Variants in NPR3 observed in about 807,000 individuals in gnomAD.
The protein encoded by NPR3 is atrial natriuretic peptide receptor 3.
Under a neutral mutation model 54.5 loss-of-function variants are expected in NPR3, and 34 were observed. The observed-to-expected ratio is 0.62, with a 90% CI of 0.47 to 0.83. NPR3 has a LOEUF of 0.83. Ranked by LOEUF, NPR3 falls within the 40% of genes least tolerant of loss-of-function variation. NPR3 has a pLI of 0.00. For synonymous variants in NPR3, 289 were observed against 297.1 expected (o/e 0.97, Z 0.28); for missense variants, 674 against 720.8 (o/e 0.94, Z 0.74).
chr5:32,732,457 C>T (rs1739513346), intron 2 of NPR3, among the ~76,000 whole-genome samples: 1 of 152,060 alleles, frequency 6.6e-6, no homozygotes, highest in Admixed American at 6.6e-5. Flanking sequence ...CTGACTAGCT[C>T]TAGTGACAGG....
intron 3 of NPR3, among the ~76,000 whole-genome samples, chr5:32,771,721 G>A (rs749079174): frequency 6.6e-6 from 1 of 152,152 alleles, no homozygotes; most frequent in Non-Finnish European, 1.5e-5. Flanking sequence ...CCTGTCTTAG[G>A]AACCCCAGGA....
At chr5:32,735,870 G>T (rs981655144) in intron 2 of NPR3, among the ~76,000 whole-genome samples, 1 of 152,134 alleles carries the variant, frequency 6.6e-6, no homozygotes, top group Non-Finnish European at 1.5e-5. Context: ...TTATGGTTGG[G>T]AATAGATACC....
intron 1 of NPR3, among the ~76,000 whole-genome samples, chr5:32,722,884 C>G (rs946054518): frequency 1.2e-4 from 19 of 152,284 alleles, no homozygotes; most frequent in African/African-American, 4.6e-4. Flanking sequence ...TACTTTCAGG[C>G]AGAAGCAACA....
chr5:32,745,389 G>A (rs912282396), intron 3 of NPR3, among the ~76,000 whole-genome samples: 4 of 152,182 alleles, frequency 2.6e-5, no homozygotes, highest in African/African-American at 7.2e-5. Flanking sequence ...TTGCCCATAT[G>A]TACAGTGGCC....
At chr5:32,710,488 T>C, upstream of NPR3, 1 of 630,734 alleles carries the variant, frequency 1.6e-6, no homozygotes, top group African/African-American at 1.9e-5. Context: ...GCAACAAGTT[T>C]CACTTTCCTG....
At position 32,711,723 on chromosome 5, in the gene NPR3, G is replaced by C. The variant is rs1033936063; in HGVS notation, c.-54G>C. ...TGGGGAGGAAAGAGGAAGGGTGGGT[G>C]GGGGGCAGAGGGCGAGTCGGCGGCG... On this transcript the variant is annotated 5_prime_UTR_variant, in exon 1 of 8. Coordinates refer to ENST00000265074, the MANE Select transcript of NPR3 (RefSeq NM_001204375.2). The C allele has an allele frequency of 2.8e-6, 4 of 1,407,090 alleles. No homozygotes were observed. Among genetic ancestry groups the C allele is most frequent in the African/African-American group, 3.0e-5 (2 of 66,440 alleles). The allele number at this position is 1,407,090 out of a possible 1,614,324, so 87.2% of individuals were successfully genotyped here.
chr5:32,701,532 G>A (rs1186334120), intron 1 of NPR3, among the ~76,000 whole-genome samples: 1 of 152,088 alleles, frequency 6.6e-6, no homozygotes, highest in Admixed American at 6.5e-5. Context: ...AGTTCATTTG[G>A]TGAGGTCATG....
intron 2 of NPR3, among the ~76,000 whole-genome samples, chr5:32,730,930 T>C (rs1456951520): frequency 1.3e-5 from 2 of 152,184 alleles, no homozygotes; most frequent in East Asian, 3.8e-4. Context: ...TTACAAAAAT[T>C]TCAACAAGAT....
chr5:32,710,862 T>TTTTTTTTTG (rs1738178570), upstream of NPR3: 6 of 1,156,728 alleles, frequency 5.2e-6, no homozygotes, highest in African/African-American at 1.3e-4. Context: ...AGTCCTGGTT[T>TTTTTTTTTG]TTTTTTTTTT....
intron 1 of NPR3, among the ~76,000 whole-genome samples, chr5:32,718,416 T>C (rs1738668650): frequency 6.6e-6 from 1 of 152,258 alleles, no homozygotes; most frequent in Non-Finnish European, 1.5e-5. Flanking sequence ...ATTGAATCTA[T>C]AAATTACTTT....
At chr5:32,699,329 T>G in intron 1 of NPR3, among the ~76,000 whole-genome samples, 1 of 152,232 alleles carries the variant, frequency 6.6e-6, no homozygotes, top group East Asian at 1.9e-4. Flanking sequence ...GGGATACAAG[T>G]GCAGAACATG....
rs1738289356 is a variant in NPR3 at position 32,712,267 on chromosome 5, T to A, written c.491T>A (p.Phe164Tyr). 1 of 1,612,714 alleles carries A rather than the reference T, an allele frequency of 6.2e-7. No homozygotes were observed. Among genetic ancestry groups the A allele is most frequent in the Admixed American group, 1.7e-5 (1 of 60,008 alleles). Reference sequence around the variant, plus strand: ...TCGGCTGGGGCGCTGGCCGCTGGCTTCCAGCACAAGGACTCTGAGTACTCG... The same window carrying A: ...TCGGCTGGGGCGCTGGCCGCTGGCTACCAGCACAAGGACTCTGAGTACTCG... The part of the protein sequence containing the change: ...MLSAGALAAG[F>Y]QHKDSEYSHL... The change falls in exon 1 of 8, where the codon TTC (phenylalanine) becomes TAC (tyrosine). Residue 164 changes from phenylalanine (F) to tyrosine (Y), a missense_variant. By Grantham distance (22) the Phe-to-Tyr change is conservative. Coordinates refer to ENST00000265074, the MANE Select transcript of NPR3 (RefSeq NM_001204375.2).
chr5:32,760,949 A>G (rs1741131899), intron 3 of NPR3, among the ~76,000 whole-genome samples: 2 of 152,226 alleles, frequency 1.3e-5, no homozygotes, highest in South Asian at 4.1e-4. Flanking sequence ...TGTCTTGCTC[A>G]GGTGCCTTCG....
Position 32,739,180 on chromosome 5 carries a change from TG to T in NPR3, c.1059+151del, listed in dbSNP as rs57306021. On this transcript the variant is annotated intron_variant, in intron 3 of 7. Coordinates refer to ENST00000265074, the MANE Select transcript of NPR3 (RefSeq NM_001204375.2). The stretch of plus-strand genomic sequence containing the variant: ...CTGTTGCCTTCTGTGTGTGTGTGTG[TG>T]TGTTTTTTTTTTTTCCTTTCTGGGT... 26,599 of 657,376 alleles carry T rather than the reference TG, an allele frequency of 0.04. 403 individuals carry two copies. The highest frequency in any genetic ancestry group is 0.05 in the Admixed American group (1,452 of 29,100). The allele number at this position is 657,376 out of a possible 1,614,324, so 40.7% of individuals were successfully genotyped here.
chr5:32,779,144 C>T (rs1742213385), intron 4 of NPR3, among the ~76,000 whole-genome samples: 1 of 152,192 alleles, frequency 6.6e-6, no homozygotes, highest in Admixed American at 6.5e-5. Flanking sequence ...TACATGCCCT[C>T]TCCAAGCCAC....
chr5:32,716,462 C>G, intron 1 of NPR3: 3 of 451,212 alleles, frequency 6.6e-6, no homozygotes, highest in Non-Finnish European at 1.3e-5. Flanking sequence ...ACCACACATG[C>G]AAGCTTTCTT....
intron 1 of NPR3, among the ~76,000 whole-genome samples, chr5:32,724,286 C>T (rs1739022235): frequency 6.6e-6 from 1 of 152,158 alleles, no homozygotes; most frequent in Non-Finnish European, 1.5e-5. Flanking sequence ...TTCCTTTAAG[C>T]CTTGTTCAGT....
At chr5:32,701,335 C>T (rs1486900741) in intron 1 of NPR3, among the ~76,000 whole-genome samples, 1 of 152,182 alleles carries the variant, frequency 6.6e-6, no homozygotes, top group East Asian at 1.9e-4. Flanking sequence ...TTTTCAACTC[C>T]AGAATTTCTC....
At chr5:32,735,859 G>A (rs1295364588) in intron 2 of NPR3, among the ~76,000 whole-genome samples, 1 of 152,180 alleles carries the variant, frequency 6.6e-6, no homozygotes, top group African/African-American at 2.4e-5. Flanking sequence ...CGTAGTATCA[G>A]TTATGGTTGG....
Sources: gnomAD v4.1 joint callset for allele counts (sites outside exome capture counted in the v4.1 genomes callset) on GRCh38, gnomAD v4.1.1 for gene constraint, MANE v1.5 for transcripts, NCBI Gene and HGNC (gene_info 2026-07-23, HGNC 2026-07-21) for gene names.